Variants in GOLGA1 observed in about 807,000 individuals in gnomAD.
The protein encoded by GOLGA1 is golgin subfamily A member 1.
GOLGA1 carries 63 observed loss-of-function variants against 119.7 expected under a neutral mutation model. The ratio of observed to expected loss-of-function variants is 0.53; its 90% CI spans 0.43 to 0.65. GOLGA1 has a LOEUF of 0.65. Ranked by LOEUF, GOLGA1 falls within the 30% of genes least tolerant of loss-of-function variation. The pLI, the probability that GOLGA1 is intolerant of heterozygous loss-of-function variation, is 0.00. For synonymous variants in GOLGA1, 318 were observed against 333.4 expected (o/e 0.95, Z 0.50); for missense variants, 798 against 912.8 (o/e 0.87, Z 1.62).
In GOLGA1 at chr9:124,878,779, G is replaced by C. The variant is rs997963834; in HGVS notation, c.*1751C>G. On this transcript the variant is annotated 3_prime_UTR_variant, in exon 23 of 23. Coordinates refer to ENST00000373555, the MANE Select transcript of GOLGA1 (RefSeq NM_002077.4). ...GCGGATGGGCTTCTGTGGAAATGTAGCTGCCTTTGGCTGGCTGTGAGCTAC... is the reference window on the plus strand; with the variant it reads ...GCGGATGGGCTTCTGTGGAAATGTACCTGCCTTTGGCTGGCTGTGAGCTAC... 1.1e-4 allele frequency: 16 copies of C among 152,226 alleles called. No individual in the cohort carries two copies. Among genetic ancestry groups the C allele is most frequent in the Admixed American group, 9.2e-4 (14 of 15,282 alleles). 9.4% of individuals were successfully genotyped at this position (152,226 alleles called of 1,614,324 possible).
At chr9:124,941,172 G>C (rs1442220636), upstream of GOLGA1, 1 of 152,320 alleles carries the variant, frequency 6.6e-6, no homozygotes, top group African/African-American at 2.4e-5. Flanking sequence ...GGCCTTGGCG[G>C]CTACTGTTAC....
chr9:124,889,377 A>C, intron 17 of GOLGA1, 57 bp downstream of exon 17: 1 of 1,595,146 alleles, frequency 6.3e-7, no homozygotes, highest in Non-Finnish European at 8.6e-7. Flanking sequence ...GGCCGTCACA[A>C]GGCAGGATGC....
chr9:124,939,550 C>CTTTT (rs3051147), intron 2 of GOLGA1, among the ~76,000 whole-genome samples: 948 of 81,754 alleles, frequency 0.012, 5 homozygotes, highest in Non-Finnish European at 0.018. Flanking sequence ...TTCTTTCTTT[C>CTTTT]TTTTTTTTTT....
rs780324644 is a variant in GOLGA1 at position 124,880,416 on chromosome 9, C to A, written c.*114G>T. 8 of 688,952 alleles carry A rather than the reference C, an allele frequency of 1.2e-5. No homozygotes were observed. Among genetic ancestry groups the A allele is most frequent in the Non-Finnish European group, 1.9e-5 (7 of 364,610 alleles). The allele number at this position is 688,952 out of a possible 1,614,324, so 42.7% of individuals were successfully genotyped here. On this transcript the variant is annotated 3_prime_UTR_variant, in exon 23 of 23. Transcript: ENST00000373555. ...TAGTCTTGTAAACAATGTTTAGACA[C>A]TTGTACAAAATACTGCAGTTACAGT...
chr9:124,882,574 G>C lies in GOLGA1; in HGVS notation c.1906-5C>G, dbSNP rs748861784. On this transcript the variant is annotated splice_polypyrimidine_tract_variant and splice_region_variant and intron_variant, in intron 19 of 22. Coordinates refer to ENST00000373555, the MANE Select transcript of GOLGA1 (RefSeq NM_002077.4). ...CTGCTGCATCTGCTTTATGGTCTGCGACAAGCCCCACCCCACAGAAAGCCA... is the reference window on the plus strand; with the variant it reads ...CTGCTGCATCTGCTTTATGGTCTGCCACAAGCCCCACCCCACAGAAAGCCA... 1 of 1,610,652 alleles carries C rather than the reference G, an allele frequency of 6.2e-7. No homozygotes were observed. Among genetic ancestry groups the C allele is most frequent in the Non-Finnish European group, 8.5e-7 (1 of 1,178,710 alleles).
intron 10 of GOLGA1, among the ~76,000 whole-genome samples, chr9:124,913,414 T>C (rs1830377875): frequency 6.6e-6 from 1 of 152,232 alleles, no homozygotes; most frequent in Admixed American, 6.5e-5. Context: ...TGAAGACTTG[T>C]ACCTCTTTAC....
intron 19 of GOLGA1, among the ~76,000 whole-genome samples, chr9:124,885,323 A>G (rs1363230089): frequency 3.4e-5 from 1 of 29,658 alleles, no homozygotes; most frequent in African/African-American, 1.0e-4. Flanking sequence ...ACTCCATCTC[A>G]AAAAAAAAAA....
At chr9:124,922,710 T>A (rs1253391329) in intron 8 of GOLGA1, among the ~76,000 whole-genome samples, 1 of 151,566 alleles carries the variant, frequency 6.6e-6, no homozygotes, top group Non-Finnish European at 1.5e-5. Flanking sequence ...GGCTGCAGTG[T>A]GCTATGATCG....
At chr9:124,886,299 A>C (rs1186341456) in intron 19 of GOLGA1, among the ~76,000 whole-genome samples, 1 of 152,162 alleles carries the variant, frequency 6.6e-6, no homozygotes, top group Non-Finnish European at 1.5e-5. Context: ...GCCCTTGTGC[A>C]CGGCGGGTGG....
intron 7 of GOLGA1, among the ~76,000 whole-genome samples, chr9:124,924,596 C>A (rs1488201068): frequency 7.3e-6 from 1 of 136,308 alleles, no homozygotes; most frequent in East Asian, 2.2e-4. Flanking sequence ...TGTGCCACTG[C>A]ACTACACTCC....
chr9:124,924,145 T>C (rs1588090328), intron 7 of GOLGA1, among the ~76,000 whole-genome samples: 1 of 152,194 alleles, frequency 6.6e-6, no homozygotes, highest in African/African-American at 2.4e-5. Flanking sequence ...CGTAAGCCAC[T>C]GTGCCCAGCC....
intron 3 of GOLGA1, among the ~76,000 whole-genome samples, chr9:124,933,792 G>A (rs996052497): frequency 2.0e-5 from 3 of 152,160 alleles, no homozygotes; most frequent in African/African-American, 7.2e-5. Flanking sequence ...TGGACACTGA[G>A]TCTCTAATGA....
In GOLGA1 at chr9:124,938,654, C is replaced by T. The variant is rs1473068011; in HGVS notation, c.58G>A (p.Gly20Arg). 1 of 1,613,242 alleles carries T rather than the reference C, an allele frequency of 6.2e-7. No homozygotes were observed. Among genetic ancestry groups the T allele is most frequent in the South Asian group, 1.1e-5 (1 of 91,056 alleles). Residue 20 changes from glycine (G) to arginine (R), a missense_variant, in exon 3 of 23, where the codon GGA (glycine) becomes AGA (arginine). Gly to Arg is a moderately radical substitution (Grantham distance 125). Transcript: ENST00000373555. ...GACCGTGGGATCCTAGTAGCACCTC[C>T]TGGCCTCTGAGCAACAGCAGTCTCT... ...AEETAVAQRP[G>R]GATRIPRSVS...
In GOLGA1 at chr9:124,899,334, C is replaced by T; in HGVS notation, c.1306G>A (p.Gly436Arg). ...RAADQTTAEQ[G>R]MRQLEQENAA... ...TCTCTTAGCTCTTCACTCACCATCC[C>T]TTGCTCTGCGGTGGTCTGGTCAGCT... The change falls in exon 14 of 23, where the codon GGG (glycine) becomes AGG (arginine). Residue 436 changes from glycine (G) to arginine (R), a missense_variant. Transcript: ENST00000373555. 1 of 1,547,132 alleles carries T rather than the reference C, an allele frequency of 6.5e-7. No individual in the cohort carries two copies. The highest frequency in any genetic ancestry group is 8.7e-7 in the Non-Finnish European group (1 of 1,145,132).
intron 3 of GOLGA1, among the ~76,000 whole-genome samples, chr9:124,933,562 G>A (rs1030408109): frequency 6.6e-6 from 1 of 152,096 alleles, no homozygotes; most frequent in African/African-American, 2.4e-5. Context: ...CTACAGGTGT[G>A]TGTCACCATG....
chr9:124,944,948 C>T (rs888546864), upstream of GOLGA1: 4 of 152,166 alleles, frequency 2.6e-5, no homozygotes, highest in Admixed American at 1.3e-4. Context: ...AGCCATAATT[C>T]CCTATTTCAT....
intron 12 of GOLGA1, among the ~76,000 whole-genome samples, chr9:124,906,738 G>A (rs542648506): frequency 3.9e-5 from 6 of 152,072 alleles, no homozygotes; most frequent in Non-Finnish European, 7.4e-5. Context: ...GGTGACAAGA[G>A]CAAAACTCTG....
At chr9:124,918,776 A>G (rs1731708606) in intron 10 of GOLGA1, among the ~76,000 whole-genome samples, 1 of 152,034 alleles carries the variant, frequency 6.6e-6, no homozygotes, top group African/African-American at 2.4e-5. Context: ...AAAATAATAC[A>G]AAAACCAAAG....
intron 11 of GOLGA1, among the ~76,000 whole-genome samples, chr9:124,910,256 G>T (rs1830315286): frequency 6.6e-6 from 1 of 151,566 alleles, no homozygotes; most frequent in South Asian, 2.1e-4. Flanking sequence ...ATAGAGGCGG[G>T]GTTTTGCCAT....
Sources: gnomAD v4.1 joint callset for allele counts (sites outside exome capture counted in the v4.1 genomes callset) on GRCh38, gnomAD v4.1.1 for gene constraint, MANE v1.5 for transcripts, NCBI Gene and HGNC (gene_info 2026-07-23, HGNC 2026-07-21) for gene names.